Variants in NEGR1 observed in about 807,000 individuals in gnomAD.
NEGR1 encodes the protein neuronal growth regulator 1.
A neutral mutation model predicts 40.9 loss-of-function variants in NEGR1; 10 were observed. That is an observed-to-expected ratio of 0.24 (90% CI 0.15 to 0.42). The LOEUF (loss-of-function observed/expected upper bound fraction) is 0.42. Among genes scored for constraint, NEGR1 ranks in the 10% least tolerant of loss-of-function variants. The probability of loss-of-function intolerance (pLI) is 1.00; values close to 1 mark genes in which losing one functional copy is unlikely to be tolerated. For synonymous variants in NEGR1, 185 were observed against 166.8 expected, an observed-to-expected ratio of 1.11 and a Z score of -0.84; for missense variants, 352 against 438.9, an observed-to-expected ratio of 0.80 and a Z score of 1.77.
chr1:71,933,582 A>G (rs943363095), intron 2 of NEGR1, among the ~76,000 whole-genome samples: 2 of 152,060 alleles, frequency 1.3e-5, no homozygotes, highest in African/African-American at 4.8e-5. Context: ...CTTGAATAAC[A>G]TAAGAAATGT....
chr1:72,230,348 A>C lies in NEGR1; in HGVS notation c.176+51971T>G, dbSNP rs146983768. 5.0e-3 allele frequency among the ~76,000 whole-genome samples: 765 copies of C among 152,268 alleles called. 6 individuals are homozygous for C. The highest frequency in any genetic ancestry group is 0.017 in the African/African-American group (695 of 41,562). ...TTCAACTAATATCTAACTTTTGAAAAAGTTGTGCTGATTAGTACAAATGGA... is the reference window on the plus strand; with the variant it reads ...TTCAACTAATATCTAACTTTTGAAACAGTTGTGCTGATTAGTACAAATGGA... On this transcript the variant is annotated intron_variant, in intron 1 of 6. Transcript: ENST00000357731.
At chr1:71,960,193 CAT>C (rs1646154000) in intron 1 of NEGR1, among the ~76,000 whole-genome samples, 1 of 152,104 alleles carries the variant, frequency 6.6e-6, no homozygotes, top group Admixed American at 6.6e-5. Context: ...ACTTATTGGG[CAT>C]CTTTATGTTT....
At chr1:71,877,313 A>C (rs1229442518) in intron 2 of NEGR1, among the ~76,000 whole-genome samples, 3 of 152,186 alleles carry the variant, frequency 2.0e-5, no homozygotes, top group Non-Finnish European at 2.9e-5. Flanking sequence ...GCCATAACAA[A>C]GTTGCATGTA....
At chr1:71,617,986 GGA>G (rs1650498016) in intron 4 of NEGR1, among the ~76,000 whole-genome samples, 1 of 152,184 alleles carries the variant, frequency 6.6e-6, no homozygotes. Flanking sequence ...CCTGCTCAAT[GGA>G]CTCAGCCTTT....
chr1:72,097,188 A>G (rs1648736334), intron 1 of NEGR1, among the ~76,000 whole-genome samples: 1 of 152,188 alleles, frequency 6.6e-6, no homozygotes, highest in East Asian at 1.9e-4. Context: ...TTTGAAACCC[A>G]CTGCCACCAC....
intron 1 of NEGR1, among the ~76,000 whole-genome samples, chr1:72,053,718 C>T (rs966911666): frequency 1.3e-5 from 2 of 150,992 alleles, no homozygotes; most frequent in South Asian, 4.1e-4. Flanking sequence ...ATGAGAAATG[C>T]TTAATTATTT....
intron 4 of NEGR1, among the ~76,000 whole-genome samples, chr1:71,688,889 T>C (rs1423830905): frequency 2.0e-5 from 3 of 152,288 alleles, no homozygotes; most frequent in East Asian, 3.9e-4. Flanking sequence ...GTGTTTATAA[T>C]TGTCTCCAGT....
chr1:72,062,226 A>G (rs1564968), intron 1 of NEGR1, among the ~76,000 whole-genome samples: 65,989 of 151,534 alleles, frequency 0.44, 14,839 homozygotes, highest in Admixed American at 0.5. Context: ...CCCCTTTGGA[A>G]GTTTTTCCCA....
chr1:71,461,243 T>C (rs1174065556), intron 6 of NEGR1, among the ~76,000 whole-genome samples: 1 of 152,156 alleles, frequency 6.6e-6, no homozygotes, highest in African/African-American at 2.4e-5. Flanking sequence ...ATCATGAAAA[T>C]TTTTTGCCAA....
intron 1 of NEGR1, among the ~76,000 whole-genome samples, chr1:72,229,514 T>C (rs1037177968): frequency 1.3e-4 from 20 of 149,760 alleles, no homozygotes; most frequent in African/African-American, 4.6e-4. Flanking sequence ...GTTTTAAATT[T>C]TTATTGCAAA....
intron 3 of NEGR1, among the ~76,000 whole-genome samples, chr1:71,747,472 T>C (rs1655424832): frequency 6.6e-6 from 1 of 151,692 alleles, no homozygotes; most frequent in Non-Finnish European, 1.5e-5. Flanking sequence ...TCACCCAGGC[T>C]GGAGCGCAGT....
chr1:71,648,227 T>G (rs1331733334), intron 4 of NEGR1, among the ~76,000 whole-genome samples: 1 of 152,024 alleles, frequency 6.6e-6, no homozygotes, highest in Non-Finnish European at 1.5e-5. Flanking sequence ...GAACAGTTTC[T>G]GAATTACCTG....
intron 1 of NEGR1, among the ~76,000 whole-genome samples, chr1:71,942,504 T>A (rs1489782466): frequency 2.4e-4 from 12 of 50,298 alleles, no homozygotes; most frequent in African/African-American, 9.4e-4. Context: ...TTTTTTTTTT[T>A]TTTTTTTTTT....
intron 6 of NEGR1, among the ~76,000 whole-genome samples, chr1:71,520,473 G>A (rs1239645155): frequency 6.6e-6 from 1 of 151,928 alleles, no homozygotes; most frequent in Non-Finnish European, 1.5e-5. Flanking sequence ...CTTAAGTGAG[G>A]GAGTCAATAC....
At position 71,796,494 on chromosome 1, in the gene NEGR1, A is replaced by C. The variant is rs181319110; in HGVS notation, c.410-20197T>G. ...TCAAATAATCTAGAAAAATGGAGTG[A>C]GATCAAAAGCTACAAGAAAGGCTCA... On this transcript the variant is annotated intron_variant, in intron 2 of 6. Coordinates refer to ENST00000357731, the MANE Select transcript of NEGR1 (RefSeq NM_173808.3). Among the ~76,000 whole-genome samples, 854 of 152,292 alleles carry C rather than the reference A, an allele frequency of 5.6e-3. 17 individuals are homozygous for C. Among genetic ancestry groups the C allele is most frequent in the Non-Finnish European group, 4.6e-3 (310 of 68,020 alleles).
intron 1 of NEGR1, among the ~76,000 whole-genome samples, chr1:72,091,580 CATACT>C (rs1323144866): frequency 6.6e-6 from 1 of 152,012 alleles, no homozygotes; most frequent in African/African-American, 2.4e-5. Context: ...AAGGCATGAT[CATACT>C]ATAGTTGTAT....
chr1:71,411,345 A>G (rs942925621), intron 6 of NEGR1, among the ~76,000 whole-genome samples: 2 of 152,190 alleles, frequency 1.3e-5, no homozygotes, highest in Non-Finnish European at 2.9e-5. Flanking sequence ...ATATAGGAAG[A>G]CAGCATGTAC....
At chr1:71,828,393 T>C (rs900130461) in intron 2 of NEGR1, among the ~76,000 whole-genome samples, 6 of 151,970 alleles carry the variant, frequency 3.9e-5, no homozygotes, top group African/African-American at 1.4e-4. Flanking sequence ...AAGGATATAA[T>C]AAAGAGAAAA....
At chr1:72,262,332 G>A (rs1251674790) in intron 1 of NEGR1, among the ~76,000 whole-genome samples, 2 of 152,020 alleles carry the variant, frequency 1.3e-5, no homozygotes, top group Admixed American at 6.6e-5. Flanking sequence ...TTCTCCTGAA[G>A]TGAAAGCTCA....
Sources: allele counts gnomAD v4.1 joint callset (sites outside exome capture counted in the v4.1 genomes callset), GRCh38; gene constraint gnomAD v4.1.1; transcripts MANE v1.5; gene names NCBI Gene and HGNC (gene_info 2026-07-23, HGNC 2026-07-21).